Variants in KDM6A observed in about 807,000 individuals in gnomAD.
KDM6A encodes the protein lysine demethylase 6A, also known as lysine-specific demethylase 6A.
KDM6A carries 11 observed loss-of-function variants against 117.6 expected under a neutral mutation model. The observed-to-expected ratio is 0.09, with a 90% confidence interval of 0.06 to 0.15. The LOEUF (loss-of-function observed/expected upper bound fraction) is 0.15. Among genes scored for constraint, KDM6A ranks in the 10% least tolerant of loss-of-function variants. KDM6A has a pLI of 1.00. For synonymous variants in KDM6A, 384 were observed against 396.1 expected (o/e 0.97, Z 0.36); for missense variants, 799 against 1,077.3 (o/e 0.74, Z 3.62).
chrX:44,984,161 G>A (rs1375594523), intron 4 of KDM6A, among the ~76,000 whole-genome samples: 4 of 110,405 alleles, frequency 3.6e-5, no homozygotes, highest in Non-Finnish European at 7.6e-5. Flanking sequence ...CTGATGGCCA[G>A]TGATGATGAG....
chrX:44,887,882 T>G lies in KDM6A; in HGVS notation c.225+13895T>G, dbSNP rs1213149415. Among the ~76,000 whole-genome samples, 10 of 111,503 alleles carry G rather than the reference T, an allele frequency of 9.0e-5. No individual in the cohort carries two copies. The Admixed American group carries it at 9.6e-4, about 11-fold the overall frequency. On this transcript the variant is annotated intron_variant, in intron 2 of 29. Transcript: ENST00000611820. Reference sequence around the variant, plus strand: ...GATTAGCTGGGCATGGTGGCATTCGTTTGTAGTTCCAGCTACATGGGAAAA... The same window carrying G: ...GATTAGCTGGGCATGGTGGCATTCGGTTGTAGTTCCAGCTACATGGGAAAA...
intron 8 of KDM6A, among the ~76,000 whole-genome samples, chrX:45,040,795 G>C: frequency 1.2e-5 from 1 of 80,606 alleles, no homozygotes; most frequent in East Asian, 4.4e-4. Flanking sequence ...CCTCCCTCCC[G>C]GACGGGGCGG....
chrX:44,974,597 G>T (rs1009404162), intron 3 of KDM6A, 69 bp from the exon 4 acceptor site: 4 of 727,901 alleles, frequency 5.5e-6, no homozygotes, highest in Non-Finnish European at 8.7e-6. Flanking sequence ...TCTTGTTACC[G>T]TGTTTGTTAA....
intron 10 of KDM6A, among the ~76,000 whole-genome samples, chrX:45,058,663 A>G (rs1465560613): frequency 1.8e-5 from 2 of 110,744 alleles, no homozygotes; most frequent in Non-Finnish European, 3.8e-5. Flanking sequence ...CAAGCTGTAT[A>G]AGAAGAGTGG....
intron 8 of KDM6A, among the ~76,000 whole-genome samples, chrX:45,044,697 G>A (rs1350522093): frequency 9.0e-6 from 1 of 111,577 alleles, no homozygotes; most frequent in African/African-American, 3.3e-5. Flanking sequence ...ACTTAATCTT[G>A]TATCTTGGAA....
intron 27 of KDM6A, among the ~76,000 whole-genome samples, chrX:45,105,427 A>C (rs1276902790): frequency 9.0e-6 from 1 of 111,058 alleles, no homozygotes; most frequent in East Asian, 2.8e-4. Context: ...GGCCATGTGG[A>C]AGGACAGTTG....
At chrX:44,963,409 T>A (rs2147184041) in intron 3 of KDM6A, among the ~76,000 whole-genome samples, 1 of 105,575 alleles carries the variant, frequency 9.5e-6, no homozygotes, top group East Asian at 3.0e-4. Context: ...TGAGCTGGGA[T>A]CATATCACTG....
intron 3 of KDM6A, among the ~76,000 whole-genome samples, chrX:44,963,063 A>G (rs1047585933): frequency 1.8e-5 from 2 of 112,041 alleles, no homozygotes; most frequent in African/African-American, 6.5e-5. Context: ...AGTCCTCTCA[A>G]CCCTGCCACT....
At chrX:44,895,457 CTT>C (rs1225560971) in intron 2 of KDM6A, among the ~76,000 whole-genome samples, 5,451 of 81,619 alleles carry the variant, frequency 0.067, 545 homozygotes, top group African/African-American at 0.24. Flanking sequence ...TTATTGATTG[CTT>C]TTTTTTTTTT....
chrX:45,098,757 A>G (rs2046215673), intron 27 of KDM6A, among the ~76,000 whole-genome samples: 1 of 112,087 alleles, frequency 8.9e-6, no homozygotes, highest in African/African-American at 3.2e-5. Flanking sequence ...GTTATTTTTA[A>G]GGTAGAGCAG....
At chrX:44,996,286 GCTGGTCTCGAACTC>G (rs1187042010) in intron 4 of KDM6A, among the ~76,000 whole-genome samples, 2 of 109,418 alleles carry the variant, frequency 1.8e-5, no homozygotes, top group African/African-American at 6.7e-5. Context: ...TGTTGCCCAG[GCTGGTCTCGAACTC>G]CTGGTCTCAA....
chrX:44,920,883 T>C (rs1298761624), intron 2 of KDM6A, among the ~76,000 whole-genome samples: 13 of 104,657 alleles, frequency 1.2e-4, no homozygotes, highest in Non-Finnish European at 1.6e-4. Context: ...TTTTCTTTTT[T>C]TTTTTTTTTT....
intron 6 of KDM6A, among the ~76,000 whole-genome samples, chrX:45,023,153 A>T (rs2042237684): frequency 8.9e-6 from 1 of 111,814 alleles, no homozygotes; most frequent in South Asian, 3.7e-4. Context: ...GAATTGTTCA[A>T]ATCTGTAAGT....
intron 9 of KDM6A, among the ~76,000 whole-genome samples, chrX:45,052,941 T>C (rs1032561479): frequency 5.4e-5 from 6 of 111,335 alleles, no homozygotes; most frequent in African/African-American, 2.0e-4. Context: ...GCGATCCTTC[T>C]GCCTCAGCCT....
intron 3 of KDM6A, among the ~76,000 whole-genome samples, chrX:44,969,567 G>A (rs1338336322): frequency 9.2e-6 from 1 of 108,234 alleles, no homozygotes; most frequent in African/African-American, 3.4e-5. Flanking sequence ...ACAGGTGCCC[G>A]CCACCACGCC....
chrX:45,104,564 A>G lies in KDM6A; in HGVS notation c.4035-2846A>G, dbSNP rs189039558. Among the ~76,000 whole-genome samples, 4 of 111,319 alleles carry G rather than the reference A, an allele frequency of 3.6e-5. No homozygotes were observed. The East Asian group carries it at 1.1e-3, about 31-fold the overall frequency. Reference sequence around the variant, plus strand: ...CTTTCCCTAAATCACTTTGCTTTCTATTTTTCCCTATCCTTCAATTGAATC... The same window carrying G: ...CTTTCCCTAAATCACTTTGCTTTCTGTTTTTCCCTATCCTTCAATTGAATC... On this transcript the variant is annotated intron_variant, in intron 27 of 29. Coordinates refer to ENST00000611820, the MANE Select transcript of KDM6A (RefSeq NM_001291415.2).
At chrX:44,916,239 A>G (rs2035543202) in intron 2 of KDM6A, among the ~76,000 whole-genome samples, 1 of 110,794 alleles carries the variant, frequency 9.0e-6, no homozygotes, top group Non-Finnish European at 1.9e-5. Flanking sequence ...TTTTTCCCAT[A>G]AAGGACTGGG....
chrX:45,006,894 G>A (rs1402016279), intron 4 of KDM6A, among the ~76,000 whole-genome samples: 1 of 109,913 alleles, frequency 9.1e-6, no homozygotes, highest in Non-Finnish European at 1.9e-5. Context: ...TCACACCATT[G>A]CACTCCAGCC....
intron 6 of KDM6A, among the ~76,000 whole-genome samples, chrX:45,027,786 T>G (rs2042439975): frequency 9.2e-6 from 1 of 108,257 alleles, no homozygotes. Flanking sequence ...CTAATCGTTG[T>G]TTTTTGGTAC....
Sources: gnomAD v4.1 joint callset for allele counts (sites outside exome capture counted in the v4.1 genomes callset) on GRCh38, gnomAD v4.1.1 for gene constraint, MANE v1.5 for transcripts, NCBI Gene and HGNC (gene_info 2026-07-23, HGNC 2026-07-21) for gene names.